The following KCNJ15 variants were observed in gnomAD, a reference collection of about 807,000 sequenced individuals.
The protein encoded by KCNJ15 is ATP-sensitive inward rectifier potassium channel 15.
In KCNJ15, 14 loss-of-function variants were observed where a neutral mutation model predicts 23.0. The ratio of observed to expected loss-of-function variants is 0.61; its 90% CI spans 0.40 to 0.95. The LOEUF is 0.95. Among genes scored for constraint, KCNJ15 ranks in the 40% least tolerant of loss-of-function variants. KCNJ15 has a pLI of 0.00. For synonymous variants in KCNJ15, 185 were observed against 183.2 expected (o/e 1.01, Z -0.08); for missense variants, 388 against 461.8 (o/e 0.84, Z 1.46).
rs1171718120 is a variant in KCNJ15, at chr21:38,288,026, C to CTT, written c.-116-8898_-116-8897dup. Reference sequence around the variant, plus strand: ...CCATTGTTAAATAACTTGTTTTTTTCTTTGTTTTTTTTTTTTTTTTTTTTT... The same window carrying CTT: ...CCATTGTTAAATAACTTGTTTTTTTCTTTTTGTTTTTTTTTTTTTTTTTTTTT... On this transcript the variant is annotated intron_variant, in intron 1 of 2. Coordinates refer to ENST00000398938, the MANE Select transcript of KCNJ15 (RefSeq NM_170736.3). Among the ~76,000 whole-genome samples the CTT allele has an allele frequency of 5.4e-3, 421 of 78,172 alleles. 18 individuals carry two copies. The highest frequency in any genetic ancestry group is 6.2e-3 in the Non-Finnish European group (276 of 44,174). 51.3% of individuals were successfully genotyped at this position (78,172 alleles called of 152,430 possible).
intron 1 of KCNJ15, among the ~76,000 whole-genome samples, chr21:38,240,793 AGCATCAT>A (rs1476852736): frequency 6.6e-6 from 1 of 152,220 alleles, no homozygotes; most frequent in Non-Finnish European, 1.5e-5. Flanking sequence ...TTTGCTGATG[AGCATCAT>A]ACTTTGGCAT....
rs776442284 is a variant in KCNJ15 at position 38,267,613 on chromosome 21, T to C, written c.-117+10428T>C. On this transcript the variant is annotated intron_variant, in intron 1 of 2. Coordinates refer to ENST00000398938, the MANE Select transcript of KCNJ15 (RefSeq NM_170736.3). Reference sequence around the variant, plus strand: ...CACAGTTAATGGCGCCACCCTTGACTCATATATCAGAGAAGAGGAGATGGA... The same window carrying C: ...CACAGTTAATGGCGCCACCCTTGACCCATATATCAGAGAAGAGGAGATGGA... Among the ~76,000 whole-genome samples, 7 of 151,982 alleles carry C rather than the reference T, an allele frequency of 4.6e-5. No homozygotes were observed. In the South Asian group the frequency reaches 1.5e-3, roughly 32 times the overall value.
chr21:38,274,066 C>G (rs915368822), intron 1 of KCNJ15, among the ~76,000 whole-genome samples: 17 of 152,202 alleles, frequency 1.1e-4, no homozygotes, highest in African/African-American at 3.9e-4. Flanking sequence ...ACCTGGGCCC[C>G]AGTAACCTTT....
intron 1 of KCNJ15, among the ~76,000 whole-genome samples, chr21:38,278,197 C>G (rs532855053): frequency 2.6e-5 from 4 of 152,284 alleles, no homozygotes; most frequent in East Asian, 1.9e-4. Context: ...TCCATTTATG[C>G]ATTCAGCAGA....
chr21:38,253,153 C>T (rs1979950156), upstream of KCNJ15, among the ~76,000 whole-genome samples: 2 of 152,182 alleles, frequency 1.3e-5, no homozygotes, highest in Admixed American at 1.3e-4. Flanking sequence ...AAATTGTACC[C>T]TGGCTTCTTC....
chr21:38,288,148 C>A (rs905681994), intron 1 of KCNJ15, among the ~76,000 whole-genome samples: 2 of 143,244 alleles, frequency 1.4e-5, no homozygotes, highest in East Asian at 4.3e-4. Context: ...TCACGCCATT[C>A]TCCTGCCTCA....
chr21:38,288,997 C>G (rs555930820), intron 1 of KCNJ15, among the ~76,000 whole-genome samples: 1 of 151,936 alleles, frequency 6.6e-6, no homozygotes, highest in Non-Finnish European at 1.5e-5. Flanking sequence ...GTCAGGAGTT[C>G]GAGAGCCTGG....
In KCNJ15 at chr21:38,300,795, T is replaced by G. The variant is rs1450392085; in HGVS notation, c.*406T>G. On this transcript the variant is annotated 3_prime_UTR_variant, in exon 3 of 3. Coordinates refer to ENST00000398938, the MANE Select transcript of KCNJ15 (RefSeq NM_170736.3). ...AATGACCTTATGGCTGAGAGTTGAATTGTGGTTCAGTATTCATTGATCTCA... is the reference window on the plus strand; with the variant it reads ...AATGACCTTATGGCTGAGAGTTGAAGTGTGGTTCAGTATTCATTGATCTCA... The G allele has an allele frequency of 5.7e-6, 1 of 176,614 alleles. No individual in the cohort carries two copies. Among genetic ancestry groups the G allele is most frequent in the Non-Finnish European group, 1.3e-5 (1 of 74,534 alleles). The allele number at this position is 176,614 out of a possible 1,614,324, so 10.9% of individuals were successfully genotyped here.
upstream of KCNJ15, among the ~76,000 whole-genome samples, chr21:38,253,249 C>G (rs1044893436): frequency 1.3e-5 from 2 of 152,176 alleles, no homozygotes; most frequent in Non-Finnish European, 2.9e-5. Flanking sequence ...TTTGTCTCAA[C>G]GTCTATTTCC....
upstream of KCNJ15, among the ~76,000 whole-genome samples, chr21:38,254,696 A>C (rs1019018944): frequency 1.3e-5 from 2 of 152,244 alleles, no homozygotes; most frequent in African/African-American, 4.8e-5. Context: ...GCTTCAATTC[A>C]TCGCTCTGTA....
At chr21:38,244,299 T>C (rs1979218539) in intron 1 of KCNJ15, among the ~76,000 whole-genome samples, 2 of 152,136 alleles carry the variant, frequency 1.3e-5, no homozygotes, top group South Asian at 4.1e-4. Context: ...TACCTCCTTC[T>C]CTCTCTCCCA....
chr21:38,232,089 G>C (rs893449638), intron 1 of KCNJ15, among the ~76,000 whole-genome samples: 3 of 150,396 alleles, frequency 2.0e-5, no homozygotes, highest in Non-Finnish European at 4.4e-5. Flanking sequence ...AATTATCTGG[G>C]TCTGGGCTTT....
intron 1 of KCNJ15, among the ~76,000 whole-genome samples, chr21:38,284,462 G>A (rs1243393378): frequency 6.6e-6 from 1 of 152,128 alleles, no homozygotes; most frequent in African/African-American, 2.4e-5. Context: ...CAGAGCTCCT[G>A]GCTAGTAGCT....
chr21:38,240,589 C>G (rs528119911), intron 1 of KCNJ15, among the ~76,000 whole-genome samples: 1 of 152,260 alleles, frequency 6.6e-6, no homozygotes, highest in African/African-American at 2.4e-5. Context: ...GAAGCCATTC[C>G]TTCTTCCAAA....
At chr21:38,247,983 A>T (rs764065343) in intron 1 of KCNJ15, among the ~76,000 whole-genome samples, 25 of 152,330 alleles carry the variant, frequency 1.6e-4, no homozygotes, top group South Asian at 6.2e-4. Context: ...CAGTGAACTG[A>T]CAAGTGTTAT....
chr21:38,230,361 T>A, intron 1 of KCNJ15, among the ~76,000 whole-genome samples: 1 of 152,272 alleles, frequency 6.6e-6, no homozygotes, highest in East Asian at 1.9e-4. Context: ...CATTATTGTT[T>A]TTTAAACTCA....
intron 1 of KCNJ15, among the ~76,000 whole-genome samples, chr21:38,285,961 TGGCTG>T (rs1488747880): frequency 6.6e-6 from 1 of 152,202 alleles, no homozygotes; most frequent in African/African-American, 2.4e-5. Flanking sequence ...TCCACCTTCC[TGGCTG>T]GGCGCGGTGG....
At chr21:38,249,043 G>A (rs189486854) in intron 1 of KCNJ15, among the ~76,000 whole-genome samples, 141 of 152,252 alleles carry the variant, frequency 9.3e-4, no homozygotes, top group Admixed American at 2.4e-3. Flanking sequence ...CTATAGCTAA[G>A]ACCAAACCTA....
At chr21:38,238,640 C>G (rs1978785882) in intron 1 of KCNJ15, 2 of 579,766 alleles carry the variant, frequency 3.4e-6, no homozygotes, top group Non-Finnish European at 6.6e-6. Context: ...GGGTTGTGGG[C>G]TGACACGGAA....
Sources: allele counts gnomAD v4.1 joint callset (sites outside exome capture counted in the v4.1 genomes callset), GRCh38; gene constraint gnomAD v4.1.1; transcripts MANE v1.5; gene names NCBI Gene and HGNC (gene_info 2026-07-23, HGNC 2026-07-21).